FSHR: variants seen among roughly 807,000 people sequenced by gnomAD.
FSHR encodes the protein follicle-stimulating hormone receptor.
Under a neutral mutation model 52.1 loss-of-function variants are expected in FSHR, and 46 were observed. The ratio of observed to expected loss-of-function variants is 0.88; its 90% CI spans 0.70 to 1.13. The LOEUF (loss-of-function observed/expected upper bound fraction) is 1.13, where lower values mean the gene tolerates loss of function less well. Ranked by LOEUF, FSHR falls within the 50% of genes most tolerant of loss-of-function variation. The pLI, the probability that FSHR is intolerant of heterozygous loss-of-function variation, is 0.00. For synonymous variants in FSHR, 399 were observed against 309.6 expected (o/e 1.29, Z -3.03); for missense variants, 964 against 834.6 (o/e 1.16, Z -1.91).
intron 1 of FSHR, among the ~76,000 whole-genome samples, chr2:49,144,200 C>G (rs1295821776): frequency 6.6e-6 from 1 of 152,124 alleles, no homozygotes; most frequent in Non-Finnish European, 1.5e-5. Context: ...GAAATTCAAC[C>G]AGCCCAAGTC....
chr2:49,000,091 T>C (rs888333833), intron 4 of FSHR, among the ~76,000 whole-genome samples: 2 of 152,102 alleles, frequency 1.3e-5, no homozygotes, highest in Admixed American at 6.6e-5. Context: ...CAGAACTGTA[T>C]TGGTGAAAGG....
At chr2:49,151,855 C>T (rs1673074913) in intron 1 of FSHR, among the ~76,000 whole-genome samples, 1 of 152,166 alleles carries the variant, frequency 6.6e-6, no homozygotes, top group African/African-American at 2.4e-5. Context: ...GGTAATTGCT[C>T]TCTCATTCTA....
chr2:49,085,571 C>G (rs1670350528), intron 1 of FSHR, among the ~76,000 whole-genome samples: 1 of 152,108 alleles, frequency 6.6e-6, no homozygotes, highest in African/African-American at 2.4e-5. Flanking sequence ...CCTCAGGGAT[C>G]TAGAACTAGA....
intron 1 of FSHR, among the ~76,000 whole-genome samples, chr2:49,095,015 A>G (rs1291117106): frequency 6.6e-6 from 1 of 152,176 alleles, no homozygotes; most frequent in Non-Finnish European, 1.5e-5. Context: ...GTAGTATTGT[A>G]TGCCAACAAA....
intron 8 of FSHR, among the ~76,000 whole-genome samples, chr2:48,972,304 T>C (rs1674777678): frequency 1.3e-5 from 2 of 152,218 alleles, no homozygotes; most frequent in Admixed American, 1.3e-4. Flanking sequence ...ACAACACTCA[T>C]TGCTATCACC....
intron 1 of FSHR, among the ~76,000 whole-genome samples, chr2:49,080,315 A>G (rs1196339153): frequency 6.6e-6 from 1 of 152,216 alleles, no homozygotes; most frequent in East Asian, 1.9e-4. Flanking sequence ...AGTAGAAGAT[A>G]CAAAATGCCC....
chr2:48,994,294 T>TTGCTCAATAATAAAGTTATGAG (rs1451939414), intron 4 of FSHR, among the ~76,000 whole-genome samples: 1 of 152,182 alleles, frequency 6.6e-6, no homozygotes, highest in Non-Finnish European at 1.5e-5. Flanking sequence ...GAATTCATGA[T>TTGCTCAATAATAAAGTTATGAG]TGCTCAATAA....
At chr2:49,021,439 C>G (rs868437280) in intron 2 of FSHR, among the ~76,000 whole-genome samples, 1 of 152,170 alleles carries the variant, frequency 6.6e-6, no homozygotes, top group Admixed American at 6.5e-5. Context: ...CAGGAAATCT[C>G]ACAGGCAGCA....
intron 1 of FSHR, among the ~76,000 whole-genome samples, chr2:49,117,022 A>C (rs1671624860): frequency 2.0e-5 from 3 of 152,220 alleles, no homozygotes; most frequent in African/African-American, 7.2e-5. Context: ...TTCTTTGCCT[A>C]CCATTGTGTA....
intron 1 of FSHR, among the ~76,000 whole-genome samples, chr2:49,125,348 T>A (rs1671960710): frequency 6.6e-6 from 1 of 152,176 alleles, no homozygotes; most frequent in Non-Finnish European, 1.5e-5. Flanking sequence ...AATCTCATAA[T>A]GTTTTAAGAA....
At chr2:49,094,848 A>G (rs1040269496) in intron 1 of FSHR, among the ~76,000 whole-genome samples, 1 of 152,126 alleles carries the variant, frequency 6.6e-6, no homozygotes, top group Non-Finnish European at 1.5e-5. Flanking sequence ...CAATAAAACC[A>G]AAAGGTGGTT....
In FSHR at chr2:49,031,276, T is replaced by A. The variant is rs115870673; in HGVS notation, c.225-11116A>T. ...TCCTCTGTACCCCTATTGATGTGTA[T>A]AATTTAATTGTGAAGCACGCATTTG... On this transcript the variant is annotated intron_variant, in intron 2 of 9. Coordinates refer to ENST00000406846, the MANE Select transcript of FSHR (RefSeq NM_000145.4). Among the ~76,000 whole-genome samples, 672 of 152,338 alleles carry A rather than the reference T, an allele frequency of 4.4e-3. 7 individuals are homozygous for A. The highest frequency in any genetic ancestry group is 0.015 in the African/African-American group (632 of 41,566).
intron 4 of FSHR, among the ~76,000 whole-genome samples, chr2:49,013,238 C>T (rs1558389176): frequency 6.6e-6 from 1 of 151,616 alleles, no homozygotes. Flanking sequence ...ACTTCCCAGC[C>T]TCTAGAACTG....
chr2:49,023,697 A>G (rs1054300453), intron 2 of FSHR, among the ~76,000 whole-genome samples: 13 of 152,134 alleles, frequency 8.5e-5, no homozygotes, highest in African/African-American at 3.1e-4. Flanking sequence ...TTGACAAAAC[A>G]CCCATAGAAA....
intron 4 of FSHR, among the ~76,000 whole-genome samples, chr2:48,998,145 G>C (rs1676106315): frequency 6.6e-6 from 1 of 151,794 alleles, no homozygotes; most frequent in South Asian, 2.1e-4. Flanking sequence ...TTTTCAAAAA[G>C]ACAAGTGATC....
At chr2:49,003,823 A>C in intron 4 of FSHR, among the ~76,000 whole-genome samples, 3 of 141,578 alleles carry the variant, frequency 2.1e-5, no homozygotes, top group Non-Finnish European at 3.1e-5. Flanking sequence ...CTTGAGTGAC[A>C]CTCTCCCTTC....
At chr2:49,074,714 T>C (rs116772738) in intron 1 of FSHR, among the ~76,000 whole-genome samples, 1 of 152,124 alleles carries the variant, frequency 6.6e-6, no homozygotes, top group African/African-American at 2.4e-5. Context: ...CAAAGAGACA[T>C]CTACACTTCC....
rs1014806626 is a variant in FSHR, at chr2:48,963,817, T to C, written c.1004A>G (p.Tyr335Cys). ...GFDMTYTEFDYDLCNEVVDVT... is the reference protein window; with the variant it reads ...GFDMTYTEFDCDLCNEVVDVT... ...GTCAACCACTTCATTGCATAAGTCA[T>C]AGTCAAACTCAGTGTACGTCATGTC... The change falls in exon 10 of 10, where the codon TAT becomes TGT. Residue 335 changes from tyrosine (Y) to cysteine (C), a missense_variant. Tyr to Cys is a radical substitution (Grantham distance 194). Transcript: ENST00000406846. The C allele has an allele frequency of 1.9e-6, 3 of 1,614,036 alleles. No homozygotes were observed. The highest frequency in any genetic ancestry group is 1.7e-6 in the Non-Finnish European group (2 of 1,180,016).
intron 4 of FSHR, among the ~76,000 whole-genome samples, chr2:49,011,499 T>C (rs531449491): frequency 5.3e-5 from 8 of 152,266 alleles, no homozygotes; most frequent in Admixed American, 2.6e-4. Flanking sequence ...AAAAAATATA[T>C]ATTCTGTTGA....
Sources: gnomAD v4.1 joint callset for allele counts (sites outside exome capture counted in the v4.1 genomes callset) on GRCh38, gnomAD v4.1.1 for gene constraint, MANE v1.5 for transcripts, NCBI Gene and HGNC (gene_info 2026-07-23, HGNC 2026-07-21) for gene names.